Variants in ZSCAN5B observed in about 807,000 individuals in gnomAD.
ZSCAN5B encodes zinc finger and SCAN domain-containing protein 5B.
A neutral mutation model predicts 25.2 loss-of-function variants in ZSCAN5B; 26 were observed. The observed-to-expected ratio is 1.03, with a 90% CI of 0.76 to 1.43. The LOEUF (loss-of-function observed/expected upper bound fraction) is 1.43, where lower values mean the gene tolerates loss of function less well. Among genes scored for constraint, ZSCAN5B ranks in the 40% most tolerant of loss-of-function variants. The probability of loss-of-function intolerance (pLI) is 0.00; values close to 1 mark genes in which losing one functional copy is unlikely to be tolerated. For missense variants in ZSCAN5B, 745 were observed against 622.1 expected (o/e 1.20, Z -2.10); for synonymous variants, 244 against 240.9 (o/e 1.01, Z -0.12).
rs10425951 is a variant in ZSCAN5B, at chr19:56,190,870, A to T, written c.706T>A (p.Ser236Thr). The change falls in exon 4 of 5, where the codon TCA becomes ACA. Residue 236 changes from serine to threonine, a missense_variant. Coordinates refer to ENST00000586855, the Ensembl canonical transcript of ZSCAN5B. ...TTTGGAAGCTGAGGCTCTGGGGATG[A>T]CAGTCCTGGGTTCTCTTCCCTGTTT... 6,411 of 1,614,050 alleles carry T rather than the reference A, an allele frequency of 4.0e-3. 129 individuals carry two copies. The highest frequency in any genetic ancestry group is 0.038 in the African/African-American group (2,847 of 74,968).
At chr19:56,190,104 A>G (rs1599935355) in exon 5 of ZSCAN5B, 1 of 1,613,778 alleles carries the variant, frequency 6.2e-7, no homozygotes, top group Admixed American at 1.7e-5. Flanking sequence ...GCCAGTGTGG[A>G]CTCGCTGGTG....
exon 3 of ZSCAN5B, chr19:56,191,934 A>C (rs749342446): frequency 3.7e-6 from 6 of 1,614,040 alleles, no homozygotes; most frequent in Non-Finnish European, 5.1e-6. Context: ...TCTGGTTCAC[A>C]GAGGAGGCCC....
At chr19:56,191,829 A>G (rs1368636095) in intron 3 of ZSCAN5B, 21 bp downstream of exon 3, 2 of 1,611,386 alleles carry the variant, frequency 1.2e-6, no homozygotes, top group Non-Finnish European at 1.7e-6. Flanking sequence ...CTGCCCAGAC[A>G]CCAAGGCCTC....
In ZSCAN5B at chr19:56,197,787, C is replaced by T. The variant is rs534530081; in HGVS notation, c.-181G>A. On this transcript the variant is annotated 5_prime_UTR_variant, in exon 1 of 5. Transcript: ENST00000586855. ...CTCGGTCTGGGATGCGCTCTCCAAC[C>T]GGCCTGGAGCTGAACTGCGTCTATT... 3.0e-5 allele frequency: 30 copies of T among 985,244 alleles called. No homozygotes were observed. Among genetic ancestry groups the T allele is most frequent in the Non-Finnish European group, 3.6e-5 (30 of 829,922 alleles). 61.0% of individuals were successfully genotyped at this position (985,244 alleles called of 1,614,324 possible).
intron 1 of ZSCAN5B, among the ~76,000 whole-genome samples, chr19:56,194,415 CA>C (rs375994236): frequency 2.0e-5 from 3 of 152,052 alleles, no homozygotes; most frequent in Non-Finnish European, 4.4e-5. Flanking sequence ...CTCAGCTTCC[CA>C]AGTAGCTGGG....
intron 3 of ZSCAN5B, among the ~76,000 whole-genome samples, 173 bp from the exon 4 acceptor site, chr19:56,191,160 C>G (rs1215789730): frequency 6.6e-6 from 1 of 152,104 alleles, no homozygotes; most frequent in Admixed American, 6.5e-5. Context: ...CCTCCATATT[C>G]TAAATCAGCT....
exon 5 of ZSCAN5B, chr19:56,190,241 G>A (rs537974249): frequency 2.2e-5 from 36 of 1,614,134 alleles, no homozygotes; most frequent in South Asian, 9.9e-5. Context: ...TATTGCACAC[G>A]TCACATGCAA....
At chr19:56,197,743 G>A (rs555384276) in exon 1 of ZSCAN5B, 5 of 985,074 alleles carry the variant, frequency 5.1e-6, no homozygotes, top group African/African-American at 1.7e-5. Flanking sequence ...CCTCCTTCCC[G>A]GCTTCTGCCT....
exon 5 of ZSCAN5B, chr19:56,189,719 C>T (rs1478741805): frequency 3.6e-5 from 48 of 1,321,890 alleles, no homozygotes; most frequent in Admixed American, 8.5e-5. Flanking sequence ...TTCAAACATC[C>T]GGGCAATTCC....
exon 1 of ZSCAN5B, chr19:56,197,860 G>T (rs1972784): frequency 1.0e-6 from 1 of 981,712 alleles, no homozygotes; most frequent in Non-Finnish European, 1.2e-6. Flanking sequence ...CCTGCGCCGC[G>T]CCGTGATTGG....
exon 3 of ZSCAN5B, chr19:56,191,851 T>A: frequency 1.2e-6 from 2 of 1,613,684 alleles, no homozygotes; most frequent in Non-Finnish European, 1.7e-6. Flanking sequence ...CACACTCACC[T>A]GCCTCCTGGA....
intron 1 of ZSCAN5B, among the ~76,000 whole-genome samples, chr19:56,197,106 G>A (rs558284605): frequency 1.6e-4 from 24 of 152,172 alleles, no homozygotes; most frequent in African/African-American, 5.3e-4. Context: ...GCGAGACCCC[G>A]TCTCTGAAAA....
intron 1 of ZSCAN5B, among the ~76,000 whole-genome samples, chr19:56,194,903 C>T (rs2032789096): frequency 6.6e-6 from 1 of 152,104 alleles, no homozygotes; most frequent in South Asian, 2.1e-4. Context: ...GCGCACAGCC[C>T]AATTTTTTTT....
chr19:56,190,079 C>G (rs771771953), exon 5 of ZSCAN5B: 1 of 1,613,868 alleles, frequency 6.2e-7, no homozygotes, highest in African/African-American at 1.3e-5. Flanking sequence ...AGACGTCACA[C>G]ATGTAGGGCC....
rs2032742244 is a variant in ZSCAN5B at position 56,191,980 on chromosome 19, C to CT, written c.457dup (p.Ser153LysfsTer5). The CT allele has an allele frequency of 6.2e-6, 10 of 1,613,952 alleles. No homozygotes were observed. Among genetic ancestry groups the CT allele is most frequent in the Non-Finnish European group, 7.6e-6 (9 of 1,179,998 alleles). On this transcript the variant is annotated frameshift_variant, in exon 3 of 5. Transcript: ENST00000586855. LOFTEE classifies it high-confidence loss of function. ...CACGTCTCTCGGATCATCTCTGACA[C>CT]TGGCGGGGGCTTCAGCCATCTCGAC...
chr19:56,195,848 T>C (rs1385872368), intron 1 of ZSCAN5B, among the ~76,000 whole-genome samples: 1 of 106,344 alleles, frequency 9.4e-6, no homozygotes, highest in African/African-American at 3.0e-5. Flanking sequence ...GGAATTTTTT[T>C]TTAAAGTTAT....
At chr19:56,190,228 A>T in exon 5 of ZSCAN5B, 1 of 1,613,972 alleles carries the variant, frequency 6.2e-7, no homozygotes, top group Middle Eastern at 1.6e-4. Flanking sequence ...TACTTAAATG[A>T]TTTATTGCAC....
exon 3 of ZSCAN5B, chr19:56,191,854 C>A: frequency 2.5e-6 from 4 of 1,614,036 alleles, no homozygotes; most frequent in Non-Finnish European, 3.4e-6. Context: ...ACTCACCTGC[C>A]TCCTGGACAG....
chr19:56,193,747 G>A (rs1363699151), intron 1 of ZSCAN5B, among the ~76,000 whole-genome samples: 1 of 152,114 alleles, frequency 6.6e-6, no homozygotes, highest in East Asian at 1.9e-4. Context: ...TGGATCACGA[G>A]GTCAGGAGAT....
Sources: allele counts gnomAD v4.1 joint callset (sites outside exome capture counted in the v4.1 genomes callset), GRCh38; gene constraint gnomAD v4.1.1; transcripts MANE v1.5; gene names NCBI Gene and HGNC (gene_info 2026-07-23, HGNC 2026-07-21).